AFTPH: variants seen among roughly 807,000 people sequenced by gnomAD.
AFTPH encodes aftiphilin protein.
AFTPH carries 7 observed loss-of-function variants against 72.5 expected under a neutral mutation model. The observed-to-expected ratio is 0.10, with a 90% CI of 0.05 to 0.18. The LOEUF (loss-of-function observed/expected upper bound fraction) is 0.18, where lower values mean the gene tolerates loss of function less well. Ranked by LOEUF, AFTPH falls within the 10% of genes least tolerant of loss-of-function variation. AFTPH has a pLI of 1.00. For missense variants in AFTPH, 979 were observed against 1,060.5 expected (o/e 0.92, Z 1.07); for synonymous variants, 337 against 370.1 (o/e 0.91, Z 1.03).
intron 2 of AFTPH, among the ~76,000 whole-genome samples, chr2:64,555,862 G>C (rs970047261): frequency 6.6e-6 from 1 of 152,176 alleles, no homozygotes; most frequent in Non-Finnish European, 1.5e-5. Flanking sequence ...TATTTCTTGG[G>C]CTTCAGATTC....
intron 1 of AFTPH, among the ~76,000 whole-genome samples, chr2:64,543,303 A>G (rs1670371248): frequency 6.6e-6 from 1 of 152,220 alleles, no homozygotes; most frequent in South Asian, 2.1e-4. Flanking sequence ...TGTTTTGCAC[A>G]TATCTTCTCC....
At chr2:64,530,647 GTTTTA>G (rs1669573531) in intron 1 of AFTPH, among the ~76,000 whole-genome samples, 1 of 152,028 alleles carries the variant, frequency 6.6e-6, no homozygotes, top group African/African-American at 2.4e-5. Flanking sequence ...TTTTCTTCCT[GTTTTA>G]TTTTTACTGT....
At position 64,585,694 on chromosome 2, in the gene AFTPH, A is replaced by G. The variant is rs959547811; in HGVS notation, c.2579+149A>G. On this transcript the variant is annotated intron_variant, in intron 8 of 8. Transcript: ENST00000238856. ...TCGATGCCCAAGTCCAGAAAATATT[A>G]TCAAATTATGTTTAATTATGAACTT... 8.4e-6 allele frequency: 7 copies of G among 832,208 alleles called. No individual in the cohort carries two copies. In the Admixed American group the frequency reaches 1.5e-4, roughly 18 times the overall value. The allele number at this position is 832,208 out of a possible 1,614,324, so 51.6% of individuals were successfully genotyped here. A position where few individuals can be genotyped will look rare whatever the true frequency, so the allele number is the denominator to read the frequency against.
chr2:64,561,940 C>A (rs1671768409), intron 2 of AFTPH, among the ~76,000 whole-genome samples: 1 of 152,044 alleles, frequency 6.6e-6, no homozygotes, highest in Non-Finnish European at 1.5e-5. Context: ...CTAATTATGG[C>A]TAGAAATGTT....
rs543234543 is a variant in AFTPH at position 64,540,163 on chromosome 2, A to C, written c.-32-11280A>C. ...CTTTCAGATTCTATTTTCATTGCAG[A>C]GTTTCAGGGATATGAGAGTAGAGAA... On this transcript the variant is annotated intron_variant, in intron 1 of 8. Transcript: ENST00000238856. 2.9e-4 allele frequency among the ~76,000 whole-genome samples: 44 copies of C among 152,232 alleles called. No homozygotes were observed. In the South Asian group the frequency reaches 8.5e-3, roughly 29 times the overall value.
intron 1 of AFTPH, among the ~76,000 whole-genome samples, chr2:64,526,313 T>C (rs1041762638): frequency 6.6e-6 from 1 of 152,190 alleles, no homozygotes; most frequent in African/African-American, 2.4e-5. Context: ...GAGTACCAAA[T>C]AATGTTTTAT....
exon 1 of AFTPH, chr2:64,524,453 C>G (rs1669123104): frequency 7.5e-6 from 3 of 402,196 alleles, no homozygotes; most frequent in Non-Finnish European, 1.3e-5. Flanking sequence ...CGGTGAAACT[C>G]CGGGTGGGCG....
intron 2 of AFTPH, among the ~76,000 whole-genome samples, chr2:64,558,230 G>A (rs1245348968): frequency 6.6e-6 from 1 of 152,140 alleles, no homozygotes; most frequent in East Asian, 1.9e-4. Flanking sequence ...GAAATAAGTT[G>A]AAGGAATATC....
chr2:64,552,254 C>G, exon 2 of AFTPH: 1 of 1,613,892 alleles, frequency 6.2e-7, no homozygotes, highest in South Asian at 1.1e-5. Flanking sequence ...AAGCACTAAC[C>G]ATTCGGGAAA....
intron 5 of AFTPH, among the ~76,000 whole-genome samples, chr2:64,571,066 C>T (rs1672394101): frequency 6.6e-6 from 1 of 151,622 alleles, no homozygotes; most frequent in African/African-American, 2.4e-5. Context: ...CATTTAGAAA[C>T]TTTTTTTTAA....
At chr2:64,589,260 G>A (rs1673683441) in intron 8 of AFTPH, among the ~76,000 whole-genome samples, 1 of 152,128 alleles carries the variant, frequency 6.6e-6, no homozygotes, top group Admixed American at 6.5e-5. Context: ...TTCTTGTGCA[G>A]GTGGATATCC....
At chr2:64,573,606 A>G (rs1452716102) in intron 6 of AFTPH, among the ~76,000 whole-genome samples, 1 of 152,212 alleles carries the variant, frequency 6.6e-6, no homozygotes, top group Non-Finnish European at 1.5e-5. Context: ...ATGGTTATTT[A>G]ACTCGAAAAT....
At chr2:64,569,660 C>T in exon 5 of AFTPH, 1 of 1,613,668 alleles carries the variant, frequency 6.2e-7, no homozygotes, top group Non-Finnish European at 8.5e-7. Context: ...GTTATAGTGC[C>T]CATGTATGCA....
At position 64,529,812 on chromosome 2, in the gene AFTPH, G is replaced by T. The variant is rs560707113; in HGVS notation, c.-33+5200G>T. ...GCCTGGCTAATTGTTTTTATTAGTAGTAGAGACAGGGCCTTGTTATGTTGC... is the reference window on the plus strand; with the variant it reads ...GCCTGGCTAATTGTTTTTATTAGTATTAGAGACAGGGCCTTGTTATGTTGC... On this transcript the variant is annotated intron_variant, in intron 1 of 8. Transcript: ENST00000238856. Among the ~76,000 whole-genome samples, 156 of 151,992 alleles carry T rather than the reference G, an allele frequency of 1.0e-3. 1 individual carries two copies. Among genetic ancestry groups the T allele is most frequent in the Middle Eastern group, 6.8e-3 (2 of 294 alleles).
chr2:64,555,110 T>C (rs1671274157), intron 2 of AFTPH, among the ~76,000 whole-genome samples: 1 of 152,232 alleles, frequency 6.6e-6, no homozygotes, highest in Admixed American at 6.5e-5. Flanking sequence ...AATTCAGCTG[T>C]ATATACAAAG....
chr2:64,590,746 G>A (rs1673782245), intron 8 of AFTPH, among the ~76,000 whole-genome samples: 1 of 152,170 alleles, frequency 6.6e-6, no homozygotes, highest in African/African-American at 2.4e-5. Flanking sequence ...AGTCCTAAAA[G>A]TCGTTGGATT....
chr2:64,555,632 A>T (rs1351839738), intron 2 of AFTPH, among the ~76,000 whole-genome samples: 1 of 151,804 alleles, frequency 6.6e-6, no homozygotes, highest in Non-Finnish European at 1.5e-5. Flanking sequence ...CTAAGGCCTC[A>T]TGCTTCTATT....
intron 8 of AFTPH, 73 bp from the exon 10 acceptor site, chr2:64,591,815 G>T: frequency 6.6e-7 from 1 of 1,519,474 alleles, no homozygotes; most frequent in South Asian, 1.1e-5. Flanking sequence ...TCTACCTTGA[G>T]AGTGGATTGT....
At chr2:64,551,989 A>G (rs1671075275) in exon 2 of AFTPH, 13 of 1,613,780 alleles carry the variant, frequency 8.1e-6, no homozygotes, top group East Asian at 2.2e-5. Context: ...GAGAGCTGCA[A>G]TGGTGAAAAG....
Sources: gnomAD v4.1 joint callset for allele counts (sites outside exome capture counted in the v4.1 genomes callset) on GRCh38, gnomAD v4.1.1 for gene constraint, MANE v1.5 for transcripts, NCBI Gene and HGNC (gene_info 2026-07-23, HGNC 2026-07-21) for gene names.